VWC2L: variants seen among roughly 807,000 people sequenced by gnomAD.
VWC2L encodes von Willebrand factor C domain containing 2 like, also known as von Willebrand factor C domain-containing protein 2-like.
A neutral mutation model predicts 21.6 loss-of-function variants in VWC2L; 10 were observed. The ratio of observed to expected loss-of-function variants is 0.46; its 90% CI spans 0.29 to 0.78. VWC2L has a LOEUF of 0.78. Ranked by LOEUF, VWC2L falls within the 30% of genes least tolerant of loss-of-function variation. The probability of loss-of-function intolerance (pLI) is 0.10; values close to 1 mark genes in which losing one functional copy is unlikely to be tolerated. For synonymous variants in VWC2L, 96 were observed against 94.3 expected (o/e 1.02, Z -0.10); for missense variants, 209 against 277.1 (o/e 0.75, Z 1.74).
intron 3 of VWC2L, among the ~76,000 whole-genome samples, chr2:214,569,334 C>G (rs980419177): frequency 9.9e-5 from 15 of 151,986 alleles, no homozygotes; most frequent in Non-Finnish European, 1.9e-4. Context: ...CACACACACA[C>G]AGACACACAC....
intron 3 of VWC2L, among the ~76,000 whole-genome samples, chr2:214,465,834 TA>T (rs1478506613): frequency 6.6e-6 from 1 of 152,218 alleles, no homozygotes; most frequent in African/African-American, 2.4e-5. Flanking sequence ...AGGGTTGTTC[TA>T]AATGCTTCCT....
intron 1 of VWC2L, among the ~76,000 whole-genome samples, 195 bp from the exon 2 acceptor site, chr2:214,413,919 C>G (rs2126168047): frequency 6.6e-6 from 1 of 152,190 alleles, no homozygotes; most frequent in South Asian, 2.1e-4. Context: ...TCCAAAAGGA[C>G]AAATTTTAAT....
At chr2:214,437,681 T>A (rs1216103122) in intron 3 of VWC2L, among the ~76,000 whole-genome samples, 2 of 152,184 alleles carry the variant, frequency 1.3e-5, no homozygotes, top group Non-Finnish European at 2.9e-5. Flanking sequence ...TCTCTATTAT[T>A]TTTTGCTCTG....
chr2:214,469,614 T>C (rs1353541671), intron 3 of VWC2L, among the ~76,000 whole-genome samples: 3 of 151,460 alleles, frequency 2.0e-5, no homozygotes, highest in Non-Finnish European at 1.5e-5. Flanking sequence ...AAATCATGGG[T>C]ACACTATGTA....
At chr2:214,443,582 A>G (rs1702794209) in intron 3 of VWC2L, among the ~76,000 whole-genome samples, 1 of 152,214 alleles carries the variant, frequency 6.6e-6, no homozygotes, top group Non-Finnish European at 1.5e-5. Context: ...GAGGAGAAAG[A>G]GCATGTTATT....
chr2:214,486,732 C>T (rs1307872747), intron 3 of VWC2L, among the ~76,000 whole-genome samples: 1 of 152,176 alleles, frequency 6.6e-6, no homozygotes, highest in African/African-American at 2.4e-5. Flanking sequence ...CATCCTATCA[C>T]TGGGTCTGCC....
intron 3 of VWC2L, among the ~76,000 whole-genome samples, chr2:214,542,412 G>T (rs1230848909): frequency 6.6e-6 from 1 of 152,206 alleles, no homozygotes; most frequent in Non-Finnish European, 1.5e-5. Context: ...AATCATTGCT[G>T]CTGACAAGAC....
chr2:214,419,793 T>C (rs192648095), intron 2 of VWC2L, among the ~76,000 whole-genome samples: 5 of 152,324 alleles, frequency 3.3e-5, no homozygotes, highest in African/African-American at 1.2e-4. Context: ...TGAGCCTGTT[T>C]TCAGGATGCC....
chr2:214,527,146 A>T (rs1689353318), intron 3 of VWC2L, among the ~76,000 whole-genome samples: 1 of 152,190 alleles, frequency 6.6e-6, no homozygotes, highest in Non-Finnish European at 1.5e-5. Flanking sequence ...TAACACAGGA[A>T]CAGAAAACCA....
chr2:214,538,759 C>G (rs1689580924), intron 3 of VWC2L, among the ~76,000 whole-genome samples: 1 of 151,838 alleles, frequency 6.6e-6, no homozygotes, highest in Non-Finnish European at 1.5e-5. Flanking sequence ...CATAAAATAT[C>G]TTACTATCTG....
At chr2:214,567,768 C>A (rs915726327) in intron 3 of VWC2L, among the ~76,000 whole-genome samples, 3 of 152,146 alleles carry the variant, frequency 2.0e-5, no homozygotes, top group Non-Finnish European at 2.9e-5. Context: ...TCCCACCCCA[C>A]GCACTTATTA....
At chr2:214,426,613 A>C (rs1325222373) in intron 2 of VWC2L, among the ~76,000 whole-genome samples, 1 of 152,256 alleles carries the variant, frequency 6.6e-6, no homozygotes, top group East Asian at 1.9e-4. Flanking sequence ...GAGAAAACCA[A>C]GATTCAGAGA....
intron 3 of VWC2L, among the ~76,000 whole-genome samples, chr2:214,454,190 G>C (rs1423729061): frequency 6.6e-6 from 1 of 151,998 alleles, no homozygotes; most frequent in African/African-American, 2.4e-5. Context: ...AGATTCAGTT[G>C]AATTTTCCAC....
At chr2:214,462,680 T>A (rs1470694423) in intron 3 of VWC2L, among the ~76,000 whole-genome samples, 1 of 152,194 alleles carries the variant, frequency 6.6e-6, no homozygotes, top group Non-Finnish European at 1.5e-5. Flanking sequence ...TTTTTTAACC[T>A]ACTTTGGGTT....
At chr2:214,533,596 A>G (rs923311667) in intron 3 of VWC2L, among the ~76,000 whole-genome samples, 5 of 152,132 alleles carry the variant, frequency 3.3e-5, no homozygotes, top group Admixed American at 6.6e-5. Flanking sequence ...GAAAAAACAA[A>G]TAACAGACAG....
chr2:214,413,366 A>G (rs1216794096), intron 1 of VWC2L, among the ~76,000 whole-genome samples: 1 of 152,066 alleles, frequency 6.6e-6, no homozygotes, highest in Non-Finnish European at 1.5e-5. Context: ...TATGTAAAAT[A>G]ATGTGGACAA....
chr2:214,514,010 A>G (rs1449740666), intron 3 of VWC2L, among the ~76,000 whole-genome samples: 1 of 152,124 alleles, frequency 6.6e-6, no homozygotes, highest in Non-Finnish European at 1.5e-5. Context: ...TGGAGCAAGT[A>G]TCTTTGGCTT....
chr2:214,432,944 C>G (rs574747662), intron 2 of VWC2L, among the ~76,000 whole-genome samples: 1 of 151,682 alleles, frequency 6.6e-6, no homozygotes, highest in African/African-American at 2.4e-5. Context: ...ATCACTTAAA[C>G]CCAGGAGGCA....
intron 3 of VWC2L, among the ~76,000 whole-genome samples, chr2:214,511,919 T>TACACACAC (rs67983945): frequency 6.9e-4 from 100 of 145,364 alleles, no homozygotes; most frequent in African/African-American, 2.3e-3. Context: ...TATATACATA[T>TACACACAC]ACACACACAC....
Sources: allele counts gnomAD v4.1 joint callset (sites outside exome capture counted in the v4.1 genomes callset), GRCh38; gene constraint gnomAD v4.1.1; transcripts MANE v1.5; gene names NCBI Gene and HGNC (gene_info 2026-07-23, HGNC 2026-07-21).